Variants in DDI2 observed in about 807,000 individuals in gnomAD.
The protein encoded by DDI2 is protein DDI1 homolog 2.
Under a neutral mutation model 48.1 loss-of-function variants are expected in DDI2, and 5 were observed. The observed-to-expected ratio is 0.10, with a 90% CI of 0.05 to 0.22. DDI2 has a LOEUF of 0.22. Among genes scored for constraint, DDI2 ranks in the 10% least tolerant of loss-of-function variants. The pLI is 1.00. For synonymous variants in DDI2, 205 were observed against 183.6 expected, an observed-to-expected ratio of 1.12 and a Z score of -0.94; for missense variants, 285 against 506.2, an observed-to-expected ratio of 0.56 and a Z score of 4.19.
chr1:15,637,614 C>T (rs570062601), intron 4 of DDI2, among the ~76,000 whole-genome samples: 1 of 152,274 alleles, frequency 6.6e-6, no homozygotes, highest in South Asian at 2.1e-4. Flanking sequence ...GTGATCCACC[C>T]GCCTTGGCCT....
intron 8 of DDI2, among the ~76,000 whole-genome samples, chr1:15,655,558 G>T (rs1395277622): frequency 3.3e-5 from 5 of 151,946 alleles, no homozygotes; most frequent in Admixed American, 2.0e-4. Flanking sequence ...TTTGAGACCA[G>T]CCTGGCCAAC....
intron 2 of DDI2, 85 bp from the exon 3 acceptor site, chr1:15,630,240 T>C: frequency 2.4e-6 from 3 of 1,232,982 alleles, no homozygotes; most frequent in Non-Finnish European, 3.5e-6. Flanking sequence ...TCATATACCA[T>C]GTATGAGCAA....
chr1:15,639,238 G>T (rs992112987), intron 5 of DDI2, among the ~76,000 whole-genome samples: 1 of 151,914 alleles, frequency 6.6e-6, no homozygotes, highest in Non-Finnish European at 1.5e-5. Flanking sequence ...TTGCTTTTTA[G>T]TAAGACTACA....
In DDI2 at chr1:15,664,735, G is replaced by A. The variant is rs1168910735; in HGVS notation, c.*4945G>A. On this transcript the variant is annotated 3_prime_UTR_variant, in exon 10 of 10. Coordinates refer to ENST00000480945, the MANE Select transcript of DDI2 (RefSeq NM_032341.5). The stretch of plus-strand genomic sequence containing the variant: ...CGGTCAGCACTTAACTACAAGGGCG[G>A]TCTCTGTTTCTTCACCAGAGAGAGA... 1.3e-5 allele frequency: 2 copies of A among 152,200 alleles called. No individual in the cohort carries two copies. The highest frequency in any genetic ancestry group is 2.9e-5 in the Non-Finnish European group (2 of 68,050). 9.4% of individuals were successfully genotyped at this position (152,200 alleles called of 1,614,324 possible).
At chr1:15,618,134 C>T (rs1639594552) in intron 1 of DDI2, among the ~76,000 whole-genome samples, 1 of 152,130 alleles carries the variant, frequency 6.6e-6, no homozygotes, top group African/African-American at 2.4e-5. Flanking sequence ...TGTTTCTAAT[C>T]CCGAGTGTAG....
intron 6 of DDI2, among the ~76,000 whole-genome samples, chr1:15,648,872 T>A (rs1570985278): frequency 7.2e-6 from 1 of 139,554 alleles, no homozygotes; most frequent in African/African-American, 2.7e-5. Flanking sequence ...AACCTAGATG[T>A]GGAAAGGAAA....
chr1:15,652,453 G>C (rs1045708041), intron 8 of DDI2, among the ~76,000 whole-genome samples: 963 of 91,150 alleles, frequency 0.011, 160 homozygotes, highest in Admixed American at 0.014. Context: ...CTCCGGAGGG[G>C]GGGGGGGGGG....
chr1:15,619,746 G>GC (rs1557610327), intron 1 of DDI2, among the ~76,000 whole-genome samples: 1 of 152,062 alleles, frequency 6.6e-6, no homozygotes, highest in Non-Finnish European at 1.5e-5. Flanking sequence ...ACCGCACCCG[G>GC]CCCGATAGTG....
At chr1:15,643,346 T>C (rs1017553238) in intron 5 of DDI2, among the ~76,000 whole-genome samples, 176 bp from the exon 6 acceptor site, 4 of 152,220 alleles carry the variant, frequency 2.6e-5, no homozygotes, top group Admixed American at 2.6e-4. Flanking sequence ...GATTACAGAG[T>C]AGAACTGAAA....
intron 4 of DDI2, chr1:15,633,979 A>G: frequency 2.8e-6 from 1 of 358,490 alleles, no homozygotes; most frequent in African/African-American, 2.1e-5. Flanking sequence ...CTTAAACATG[A>G]TTGGATTAGA....
At position 15,666,159 on chromosome 1, in the gene DDI2, AATC is replaced by A; in HGVS notation, c.*6372_*6374del. ...CTGTCCTTGAGAACTGGAAATGTAA[AATC>A]ATGGTTCAAGTTTTATACCTTAGTG... On this transcript the variant is annotated 3_prime_UTR_variant, in exon 10 of 10. Coordinates refer to ENST00000480945, the MANE Select transcript of DDI2 (RefSeq NM_032341.5). 6.6e-6 allele frequency: 1 copy of A among 152,334 alleles called. No homozygotes were observed. The highest frequency in any genetic ancestry group is 1.9e-4 in the East Asian group (1 of 5,192). The allele number at this position is 152,334 out of a possible 1,614,324, so 9.4% of individuals were successfully genotyped here.
intron 8 of DDI2, 163 bp from the exon 9 acceptor site, chr1:15,656,454 C>T (rs978503939): frequency 1.0e-5 from 15 of 1,506,682 alleles, no homozygotes; most frequent in Admixed American, 6.8e-5. Context: ...ATGGAAGCAA[C>T]CAACAAATAT....
chr1:15,653,105 A>G (rs1011882874), intron 8 of DDI2, among the ~76,000 whole-genome samples: 4 of 152,100 alleles, frequency 2.6e-5, no homozygotes, highest in African/African-American at 7.2e-5. Flanking sequence ...TTGCTTAGAC[A>G]CATTTTAGAA....
chr1:15,639,592 T>G (rs1305758025), intron 5 of DDI2, among the ~76,000 whole-genome samples: 1 of 152,074 alleles, frequency 6.6e-6, no homozygotes, highest in Non-Finnish European at 1.5e-5. Flanking sequence ...GCCTCTCAAG[T>G]AGCTGGAACC....
Position 15,660,012 on chromosome 1 carries a change from T to G in DDI2, c.*222T>G. The G allele has an allele frequency of 6.2e-7, 1 of 1,614,220 alleles. No individual in the cohort carries two copies. On this transcript the variant is annotated 3_prime_UTR_variant, in exon 10 of 10. Coordinates refer to ENST00000480945, the MANE Select transcript of DDI2 (RefSeq NM_032341.5). Reference sequence around the variant, plus strand: ...TCAAGCCCAGTGACTCAGATCGCATTGAACCTAAAGCTGTGAAGGCTTTGA... The same window carrying G: ...TCAAGCCCAGTGACTCAGATCGCATGGAACCTAAAGCTGTGAAGGCTTTGA...
rs769148278 is a variant in DDI2, at chr1:15,651,735, C to T, written c.1023C>T (p.Leu341=). 43 of 1,611,392 alleles carry T rather than the reference C, an allele frequency of 2.7e-5. No individual in the cohort carries two copies. Among genetic ancestry groups the T allele is most frequent in the Middle Eastern group, 3.3e-4 (2 of 6,068 alleles). ...QCSIDLKKNV[L]VIGTTGSQTT... ...CCATCGACCTGAAGAAAAATGTACT[C>T]GTGATCGGCACCACAGGCTCCCAGA... Residue 341 remains leucine (L), a synonymous_variant, in exon 8 of 10, where the codon CTC becomes CTT. Transcript: ENST00000480945.
intron 1 of DDI2, among the ~76,000 whole-genome samples, chr1:15,622,198 C>CTT (rs923707351): frequency 1.5e-5 from 2 of 131,240 alleles, no homozygotes; most frequent in South Asian, 2.4e-4. Flanking sequence ...GTAGCTGCGA[C>CTT]TTTTTTTTTT....
rs761264316 is a variant in DDI2, at chr1:15,661,113, C to G, written c.*1323C>G. ...AGAATGAACAGTGTCCACAAGTCTC[C>G]TTTCATCAGGCCATATCTGTATCAG... On this transcript the variant is annotated 3_prime_UTR_variant, in exon 10 of 10. Transcript: ENST00000480945. 6.2e-7 allele frequency: 1 copy of G among 1,613,800 alleles called. No individual in the cohort carries two copies. The highest frequency in any genetic ancestry group is 1.1e-5 in the South Asian group (1 of 91,014).
At chr1:15,637,051 A>G (rs1035317972) in intron 4 of DDI2, among the ~76,000 whole-genome samples, 14 of 152,186 alleles carry the variant, frequency 9.2e-5, no homozygotes, top group Middle Eastern at 3.2e-3. Flanking sequence ...CCTAGTTTCC[A>G]TTAATGTTGG....
Sources: allele counts gnomAD v4.1 joint callset (sites outside exome capture counted in the v4.1 genomes callset), GRCh38; gene constraint gnomAD v4.1.1; transcripts MANE v1.5; gene names NCBI Gene and HGNC (gene_info 2026-07-23, HGNC 2026-07-21).